The following CA10 variants were observed in gnomAD, a reference collection of about 807,000 sequenced individuals.
CA10 encodes carbonic anhydrase-related protein 10.
CA10 carries 14 observed loss-of-function variants against 44.2 expected under a neutral mutation model. That is an observed-to-expected ratio of 0.32 (90% confidence interval 0.21 to 0.50). The LOEUF (loss-of-function observed/expected upper bound fraction) is 0.50. Among genes scored for constraint, CA10 ranks in the 20% least tolerant of loss-of-function variants. The pLI, the probability that CA10 is intolerant of heterozygous loss-of-function variation, is 0.99. For missense variants in CA10, 350 were observed against 409.7 expected (o/e 0.85, Z 1.26); for synonymous variants, 159 against 141.6 (o/e 1.12, Z -0.87).
chr17:51,911,541 A>G (rs1981790379), intron 3 of CA10, among the ~76,000 whole-genome samples: 1 of 152,174 alleles, frequency 6.6e-6, no homozygotes, highest in African/African-American at 2.4e-5. Flanking sequence ...GCCAAGCAGG[A>G]ATGAAACACT....
At chr17:51,660,560 C>T (rs900185471) in intron 4 of CA10, among the ~76,000 whole-genome samples, 6 of 152,164 alleles carry the variant, frequency 3.9e-5, no homozygotes, top group South Asian at 2.1e-4. Flanking sequence ...TAGTGCATGC[C>T]GGGGGCTGCT....
intron 6 of CA10, among the ~76,000 whole-genome samples, chr17:51,640,507 G>T (rs974336898): frequency 6.6e-6 from 1 of 152,168 alleles, no homozygotes; most frequent in South Asian, 2.1e-4. Context: ...CGCATTTAAC[G>T]TGTAATGTTT....
At chr17:51,863,737 C>G (rs1254321338) in intron 3 of CA10, among the ~76,000 whole-genome samples, 1 of 152,178 alleles carries the variant, frequency 6.6e-6, no homozygotes, top group Non-Finnish European at 1.5e-5. Flanking sequence ...GATTAGAATA[C>G]AAACAGGGAC....
intron 3 of CA10, among the ~76,000 whole-genome samples, chr17:51,836,250 G>T (rs1444818401): frequency 6.6e-6 from 1 of 152,158 alleles, no homozygotes; most frequent in Non-Finnish European, 1.5e-5. Flanking sequence ...CTAAAGGTTG[G>T]TTCTCCATTT....
rs141434695 is a variant in CA10, at chr17:51,985,316, T to C, written c.137-54184A>G. Among the ~76,000 whole-genome samples, 840 of 151,954 alleles carry C rather than the reference T, an allele frequency of 5.5e-3. 6 individuals are homozygous for C. Among genetic ancestry groups the C allele is most frequent in the African/African-American group, 0.019 (786 of 41,500 alleles). ...AAAAGCATTTGACAAAATCCAGCAC[T>C]CCATTATGATTAAAACTCTCAACAA... is the stretch of plus-strand genomic sequence containing the variant. On this transcript the variant is annotated intron_variant, in intron 2 of 8. Transcript: ENST00000451037.
At chr17:52,037,722 T>G (rs1044070408) in intron 2 of CA10, among the ~76,000 whole-genome samples, 1 of 152,146 alleles carries the variant, frequency 6.6e-6, no homozygotes, top group African/African-American at 2.4e-5. Context: ...TTATGAAGAT[T>G]GTCTTAACTA....
intron 1 of CA10, among the ~76,000 whole-genome samples, chr17:52,084,744 A>G (rs1988074474): frequency 6.6e-6 from 1 of 152,146 alleles, no homozygotes; most frequent in African/African-American, 2.4e-5. Flanking sequence ...AAATCTCCCA[A>G]TATTTATTTC....
chr17:51,749,431 G>A (rs1172352840), intron 3 of CA10, among the ~76,000 whole-genome samples: 1 of 152,162 alleles, frequency 6.6e-6, no homozygotes. Flanking sequence ...GGAGGATGGG[G>A]CCACAGTGAG....
chr17:51,715,194 C>T (rs1372059308), intron 4 of CA10, among the ~76,000 whole-genome samples: 3 of 151,688 alleles, frequency 2.0e-5, no homozygotes, highest in Non-Finnish European at 1.5e-5. Context: ...GGAAGCGGAA[C>T]ATCACACACC....
intron 4 of CA10, among the ~76,000 whole-genome samples, chr17:51,679,100 G>A (rs188607461): frequency 9.3e-4 from 142 of 152,220 alleles, no homozygotes; most frequent in Non-Finnish European, 1.7e-3. Context: ...TGGGGGACAT[G>A]GACACAAACA....
chr17:51,755,312 A>T (rs915047303), intron 3 of CA10, among the ~76,000 whole-genome samples: 1 of 152,178 alleles, frequency 6.6e-6, no homozygotes, highest in African/African-American at 2.4e-5. Context: ...TTTTATAAAG[A>T]CCAATTCACA....
chr17:51,786,212 GTC>G (rs1008996937), intron 3 of CA10, among the ~76,000 whole-genome samples: 13 of 109,026 alleles, frequency 1.2e-4, no homozygotes, highest in African/African-American at 3.3e-4. Context: ...ATCTTTGTGT[GTC>G]TGTGTGTGTG....
intron 4 of CA10, among the ~76,000 whole-genome samples, chr17:51,693,851 A>C (rs184468739): frequency 5.7e-4 from 86 of 152,158 alleles, no homozygotes; most frequent in African/African-American, 2.0e-3. Context: ...TTTCTTTTGG[A>C]TATATACCCC....
intron 4 of CA10, among the ~76,000 whole-genome samples, chr17:51,696,116 CT>C (rs1250014785): frequency 1.3e-5 from 2 of 152,016 alleles, no homozygotes; most frequent in Non-Finnish European, 1.5e-5. Flanking sequence ...GGATATTGAC[CT>C]TTAGTTTTCT....
chr17:52,132,076 G>A (rs1989254224), intron 1 of CA10, among the ~76,000 whole-genome samples: 1 of 151,210 alleles, frequency 6.6e-6, no homozygotes, highest in South Asian at 2.1e-4. Context: ...TGAGTTAATG[G>A]GTACAGCACA....
chr17:52,033,484 T>C (rs528648579), intron 2 of CA10, among the ~76,000 whole-genome samples: 1 of 151,154 alleles, frequency 6.6e-6, no homozygotes, highest in East Asian at 1.9e-4. Context: ...ATATTGTTTA[T>C]CATAGCGAAA....
At chr17:51,700,912 T>C (rs1022661493) in intron 4 of CA10, among the ~76,000 whole-genome samples, 5 of 151,822 alleles carry the variant, frequency 3.3e-5, no homozygotes, top group Admixed American at 2.6e-4. Flanking sequence ...CCCCGGGGCC[T>C]ATGGGGGTAG....
chr17:51,988,182 C>A (rs1421083948), intron 2 of CA10, among the ~76,000 whole-genome samples: 3 of 151,904 alleles, frequency 2.0e-5, no homozygotes, highest in Non-Finnish European at 4.4e-5. Flanking sequence ...ATGTATTTTG[C>A]AAACCCCAGG....
At chr17:52,085,643 C>T (rs373671323) in intron 1 of CA10, among the ~76,000 whole-genome samples, 3 of 152,266 alleles carry the variant, frequency 2.0e-5, no homozygotes, top group East Asian at 3.9e-4. Flanking sequence ...TCTCTGTGCT[C>T]TCATGGCATT....
Sources: allele counts gnomAD v4.1 joint callset (sites outside exome capture counted in the v4.1 genomes callset), GRCh38; gene constraint gnomAD v4.1.1; transcripts MANE v1.5; gene names NCBI Gene and HGNC (gene_info 2026-07-23, HGNC 2026-07-21).